EBF3: variants seen among roughly 807,000 people sequenced by gnomAD.
EBF3 encodes the protein transcription factor COE3.
A neutral mutation model predicts 77.1 loss-of-function variants in EBF3; 18 were observed. The observed-to-expected ratio is 0.23, with a 90% confidence interval of 0.16 to 0.35. The LOEUF (loss-of-function observed/expected upper bound fraction) is 0.35, where lower values mean the gene tolerates loss of function less well. Ranked by LOEUF, EBF3 falls within the 10% of genes least tolerant of loss-of-function variation. EBF3 has a pLI of 1.00. For missense variants in EBF3, 558 were observed against 860.0 expected, an observed-to-expected ratio of 0.65 and a Z score of 4.39; for synonymous variants, 350 against 343.5, an observed-to-expected ratio of 1.02 and a Z score of -0.21.
At chr10:129,862,549 A>G (rs939583627) in intron 10 of EBF3, among the ~76,000 whole-genome samples, 4 of 152,260 alleles carry the variant, frequency 2.6e-5, no homozygotes, top group African/African-American at 9.6e-5. Flanking sequence ...AGAACACCCG[A>G]CCCAGCCACG....
rs1156419691 is a variant in EBF3, at chr10:129,938,938, C to T, written c.554+18320G>A. ...ATCTGATGACTCAATTATCCCAACT[C>T]CATCCTTTAAACAGCTCCTAGAACC... On this transcript the variant is annotated intron_variant, in intron 6 of 16. Coordinates refer to ENST00000440978, the MANE Select transcript of EBF3 (RefSeq NM_001375380.1). This position sits in a 1 kb window ranked among gnomAD's most constrained non-coding sequence, Gnocchi z 5.1. 6.6e-6 allele frequency among the ~76,000 whole-genome samples: 1 copy of T among 152,234 alleles called. No homozygotes were observed. Among genetic ancestry groups the T allele is most frequent in the African/African-American group, 2.4e-5 (1 of 41,456 alleles).
Position 129,861,837 on chromosome 10 carries a change from C to G in EBF3, c.1039+5304G>C, listed in dbSNP as rs1459647198. Among the ~76,000 whole-genome samples, 1 of 152,178 alleles carries G rather than the reference C, an allele frequency of 6.6e-6. No homozygotes were observed. Among genetic ancestry groups the G allele is most frequent in the Non-Finnish European group, 1.5e-5 (1 of 68,046 alleles). On this transcript the variant is annotated intron_variant, in intron 10 of 16. Transcript: ENST00000440978. The surrounding 1 kb of genome is among the most constrained non-coding windows in gnomAD (Gnocchi z 4.3). ...TAAAAATAGTATGATTTGTGGGCGGCAATTAAGCATCATTTGCTCTGTGCA... is the reference window on the plus strand; with the variant it reads ...TAAAAATAGTATGATTTGTGGGCGGGAATTAAGCATCATTTGCTCTGTGCA...
At chr10:129,882,738 TC>T (rs1320997486) in intron 6 of EBF3, among the ~76,000 whole-genome samples, 2 of 152,254 alleles carry the variant, frequency 1.3e-5, no homozygotes, top group African/African-American at 4.8e-5. Flanking sequence ...TCTGACACCA[TC>T]CCTACCCTCA....
rs1849694864 is a variant in EBF3, at chr10:129,837,729, T to G, written c.*214A>C. ...AAAAGTTCAGTCAATAAAATGGAAT[T>G]GTTCATGAAGAAGTAGGCTGTTTGC... is the stretch of plus-strand genomic sequence containing the variant. On this transcript the variant is annotated 3_prime_UTR_variant, in exon 17 of 17. Transcript: ENST00000440978. The G allele has an allele frequency of 1.7e-6, 1 of 592,150 alleles. No homozygotes were observed. Among genetic ancestry groups the G allele is most frequent in the Non-Finnish European group, 3.0e-6 (1 of 338,828 alleles). 36.7% of individuals were successfully genotyped at this position (592,150 alleles called of 1,614,324 possible).
At chr10:129,845,696 G>A (rs1349450542) in intron 11 of EBF3, 2 of 152,020 alleles carry the variant, frequency 1.3e-5, no homozygotes, top group African/African-American at 2.4e-5. Flanking sequence ...AAAAGAAGAT[G>A]AATTTTAATG....
chr10:129,959,714 C>T (rs531839233), intron 4 of EBF3, among the ~76,000 whole-genome samples: 4 of 151,844 alleles, frequency 2.6e-5, no homozygotes, highest in African/African-American at 7.2e-5. Context: ...GGCCTCTGCA[C>T]GCTGCGGGCG....
intron 6 of EBF3, among the ~76,000 whole-genome samples, chr10:129,933,153 G>A (rs1016704626): frequency 3.3e-5 from 5 of 152,132 alleles, no homozygotes; most frequent in African/African-American, 9.7e-5. Flanking sequence ...ATTCCGCCAC[G>A]GTGATCATAT....
chr10:129,910,780 C>A (rs1176415927), intron 6 of EBF3, among the ~76,000 whole-genome samples: 5 of 152,158 alleles, frequency 3.3e-5, no homozygotes, highest in Non-Finnish European at 1.5e-5. Context: ...ACCCTAAAAT[C>A]CTTCCTAGAC....
chr10:129,881,639 T>C (rs1259517835), intron 6 of EBF3, among the ~76,000 whole-genome samples: 1 of 152,156 alleles, frequency 6.6e-6, no homozygotes, highest in Non-Finnish European at 1.5e-5. Flanking sequence ...GGGAACCATA[T>C]GGGCAACCTC....
intron 6 of EBF3, among the ~76,000 whole-genome samples, chr10:129,942,585 G>T (rs910564943): frequency 1.3e-5 from 2 of 152,268 alleles, no homozygotes; most frequent in Middle Eastern, 3.4e-3. Flanking sequence ...GACAACTCGG[G>T]CCCCGGGGCA....
chr10:129,960,720 A>G (rs570802653), intron 4 of EBF3, among the ~76,000 whole-genome samples: 14 of 151,644 alleles, frequency 9.2e-5, no homozygotes, highest in Admixed American at 2.6e-4. Context: ...GCAAAGGTAC[A>G]AGGCTAAATG....
intron 5 of EBF3, among the ~76,000 whole-genome samples, chr10:129,957,717 A>C (rs1859150070): frequency 6.6e-6 from 1 of 152,232 alleles, no homozygotes; most frequent in Non-Finnish European, 1.5e-5. Flanking sequence ...ATTTCTGGAA[A>C]AGATGCAAGA....
At chr10:129,922,891 G>A (rs1369684994) in intron 6 of EBF3, among the ~76,000 whole-genome samples, 1 of 152,180 alleles carries the variant, frequency 6.6e-6, no homozygotes, top group Non-Finnish European at 1.5e-5. Context: ...GGTTCCAGAT[G>A]GGCTCAGGGT....
rs1379611517 is a variant in EBF3, at chr10:129,906,902, C to G, written c.555-29053G>C. ...GCCCAACTCTATTATACTCCTTATTCTCTCCCACCAGCTGGGGTTGCCTCT... is the reference window on the plus strand; with the variant it reads ...GCCCAACTCTATTATACTCCTTATTGTCTCCCACCAGCTGGGGTTGCCTCT... On this transcript the variant is annotated intron_variant, in intron 6 of 16. Transcript: ENST00000440978. Among the ~76,000 whole-genome samples, 3 of 152,112 alleles carry G rather than the reference C, an allele frequency of 2.0e-5. No homozygotes were observed. In the East Asian group the frequency reaches 5.8e-4, roughly 29 times the overall value.
rs772362791 is a variant in EBF3, at chr10:129,963,612, G to A, written c.134+23C>T. 6.6e-5 allele frequency: 87 copies of A among 1,317,046 alleles called. 2 individuals are homozygous for A. The highest frequency in any genetic ancestry group is 8.2e-5 in the Non-Finnish European group (83 of 1,017,098). The allele number at this position is 1,317,046 out of a possible 1,614,324, so 81.6% of individuals were successfully genotyped here. A position where few individuals can be genotyped will look rare whatever the true frequency, so the allele number is the denominator to read the frequency against. On this transcript the variant is annotated intron_variant, in intron 1 of 16. Coordinates refer to ENST00000440978, the MANE Select transcript of EBF3 (RefSeq NM_001375380.1). The surrounding 1 kb of genome is among the most constrained non-coding windows in gnomAD (Gnocchi z 7.1). ...GCCGGGCCGGGGCCGGGGCCAGGGCGCGCGGGGGCGGCCGGTACGTACCTC... is the reference window on the plus strand; with the variant it reads ...GCCGGGCCGGGGCCGGGGCCAGGGCACGCGGGGGCGGCCGGTACGTACCTC...
At position 129,935,460 on chromosome 10, in the gene EBF3, T is replaced by C. The variant is rs1036818771; in HGVS notation, c.554+21798A>G. ...GCAAACTCCCACCAACGGGACCTCCTTGAGGACAGAGCAGCTGCCAATTCC... is the reference window on the plus strand; with the variant it reads ...GCAAACTCCCACCAACGGGACCTCCCTGAGGACAGAGCAGCTGCCAATTCC... On this transcript the variant is annotated intron_variant, in intron 6 of 16. Transcript: ENST00000440978. This position sits in a 1 kb window ranked among gnomAD's most constrained non-coding sequence, Gnocchi z 4.2. Among the ~76,000 whole-genome samples, 1 of 152,182 alleles carries C rather than the reference T, an allele frequency of 6.6e-6. No homozygotes were observed. Among genetic ancestry groups the C allele is most frequent in the African/African-American group, 2.4e-5 (1 of 41,438 alleles).
At chr10:129,934,398 T>A (rs760968398) in intron 6 of EBF3, among the ~76,000 whole-genome samples, 6 of 152,086 alleles carry the variant, frequency 3.9e-5, no homozygotes, top group Non-Finnish European at 7.4e-5. Flanking sequence ...GCGTCATCTG[T>A]CCCTTGCACA....
Position 129,947,782 on chromosome 10 carries a change from T to C in EBF3, c.554+9476A>G, listed in dbSNP as rs1185086425. 6.6e-6 allele frequency among the ~76,000 whole-genome samples: 1 copy of C among 151,424 alleles called. No homozygotes were observed. The highest frequency in any genetic ancestry group is 2.4e-5 in the African/African-American group (1 of 41,166). ...AACACCGAAACATGACCTGCTACCTTGACAAGCTCAGGAGTGAAGGATTTC... is the reference window on the plus strand; with the variant it reads ...AACACCGAAACATGACCTGCTACCTCGACAAGCTCAGGAGTGAAGGATTTC... On this transcript the variant is annotated intron_variant, in intron 6 of 16. Transcript: ENST00000440978. The surrounding 1 kb of genome is among the most constrained non-coding windows in gnomAD (Gnocchi z 4.5).
At chr10:129,880,467 GCA>G (rs1392858383) in intron 6 of EBF3, among the ~76,000 whole-genome samples, 1 of 151,694 alleles carries the variant, frequency 6.6e-6, no homozygotes, top group Non-Finnish European at 1.5e-5. Context: ...GCAGACACAT[GCA>G]CACATACGCA....
Sources: allele counts gnomAD v4.1 joint callset (sites outside exome capture counted in the v4.1 genomes callset), GRCh38; gene constraint gnomAD v4.1.1; non-coding constraint Gnocchi (gnomAD v3.1); transcripts MANE v1.5; gene names NCBI Gene and HGNC (gene_info 2026-07-23, HGNC 2026-07-21).